Variants in ADGRL3 observed in about 807,000 individuals in gnomAD.
ADGRL3 encodes adhesion G protein-coupled receptor L3.
A neutral mutation model predicts 153.5 loss-of-function variants in ADGRL3; 62 were observed. The ratio of observed to expected loss-of-function variants is 0.40; its 90% CI spans 0.33 to 0.50. The LOEUF (loss-of-function observed/expected upper bound fraction) is 0.50. Ranked by LOEUF, ADGRL3 falls within the 20% of genes least tolerant of loss-of-function variation. ADGRL3 has a pLI of 0.47. For missense variants in ADGRL3, 1,641 were observed against 1,859.4 expected, an observed-to-expected ratio of 0.88 and a Z score of 2.16; for synonymous variants, 710 against 672.5, an observed-to-expected ratio of 1.06 and a Z score of -0.86.
At chr4:61,305,548 T>G (rs1025297440) in intron 1 of ADGRL3, among the ~76,000 whole-genome samples, 4 of 152,112 alleles carry the variant, frequency 2.6e-5, no homozygotes, top group Non-Finnish European at 5.9e-5. Context: ...TCAGCTTCAG[T>G]GATTGTAGCC....
chr4:61,428,478 GT>G (rs1040560868), intron 2 of ADGRL3, among the ~76,000 whole-genome samples: 4 of 152,168 alleles, frequency 2.6e-5, no homozygotes, highest in African/African-American at 9.7e-5. Flanking sequence ...ACCATCAATA[GT>G]TTCAAAGGCT....
intron 21 of ADGRL3, among the ~76,000 whole-genome samples, chr4:62,026,365 C>T (rs1285465820): frequency 6.6e-6 from 1 of 151,858 alleles, no homozygotes; most frequent in Non-Finnish European, 1.5e-5. Flanking sequence ...TGACAACACC[C>T]AGAAATGTCA....
At chr4:61,551,609 C>A (rs539153712) in intron 4 of ADGRL3, among the ~76,000 whole-genome samples, 1 of 152,176 alleles carries the variant, frequency 6.6e-6, no homozygotes, top group African/African-American at 2.4e-5. Context: ...CTAAGATAAA[C>A]CAGGTTGTTT....
chr4:61,966,430 ACT>A (rs1427677108), intron 17 of ADGRL3, among the ~76,000 whole-genome samples: 1 of 152,092 alleles, frequency 6.6e-6, no homozygotes, highest in East Asian at 1.9e-4. Flanking sequence ...AAAGGTAATG[ACT>A]CTGTAAGAAT....
intron 9 of ADGRL3, among the ~76,000 whole-genome samples, chr4:61,840,640 G>T (rs2098016406): frequency 1.3e-5 from 2 of 152,060 alleles, no homozygotes; most frequent in African/African-American, 2.4e-5. Flanking sequence ...TATAATAAAT[G>T]TATTTGTTTG....
intron 8 of ADGRL3, among the ~76,000 whole-genome samples, chr4:61,770,743 C>T (rs1431698086): frequency 6.6e-6 from 1 of 152,098 alleles, no homozygotes; most frequent in Non-Finnish European, 1.5e-5. Flanking sequence ...AAGAGGCTGA[C>T]CTACCTATCA....
chr4:61,556,251 A>G (rs2098766024), intron 4 of ADGRL3, among the ~76,000 whole-genome samples: 1 of 152,202 alleles, frequency 6.6e-6, no homozygotes, highest in African/African-American at 2.4e-5. Flanking sequence ...GTTTGCAAAT[A>G]TAAAGAATAT....
chr4:61,764,793 C>A (rs2096956160), intron 8 of ADGRL3, among the ~76,000 whole-genome samples: 1 of 151,692 alleles, frequency 6.6e-6, no homozygotes, highest in African/African-American at 2.4e-5. Flanking sequence ...AGAGAATGGT[C>A]GATGTTTCTC....
intron 6 of ADGRL3, among the ~76,000 whole-genome samples, chr4:61,711,447 C>T (rs1389093791): frequency 4.1e-5 from 2 of 49,022 alleles, no homozygotes; most frequent in African/African-American, 1.6e-4. Flanking sequence ...TATCTTAAAA[C>T]ATATGCTTCA....
intron 2 of ADGRL3, among the ~76,000 whole-genome samples, chr4:61,416,984 C>G (rs2097151065): frequency 6.6e-6 from 1 of 152,224 alleles, no homozygotes; most frequent in African/African-American, 2.4e-5. Context: ...GCATTAGATT[C>G]TCATAAGAAA....
intron 17 of ADGRL3, among the ~76,000 whole-genome samples, chr4:61,969,913 T>C (rs1392610951): frequency 6.6e-5 from 10 of 152,194 alleles, no homozygotes; most frequent in Admixed American, 6.6e-4. Flanking sequence ...TTTTGTACAT[T>C]TCTTTTAACC....
At chr4:61,585,221 C>T (rs910062891) in intron 4 of ADGRL3, among the ~76,000 whole-genome samples, 5 of 151,936 alleles carry the variant, frequency 3.3e-5, no homozygotes, top group Non-Finnish European at 7.4e-5. Context: ...ATTAACTGTG[C>T]AGTGCAGCTT....
rs550170215 is a variant in ADGRL3, at chr4:61,751,748, G to T, written c.1399+18194G>T. 3.9e-5 allele frequency among the ~76,000 whole-genome samples: 6 copies of T among 152,180 alleles called. No homozygotes were observed. In the South Asian group the frequency reaches 1.2e-3, roughly 32 times the overall value. Reference sequence around the variant, plus strand: ...GATTTAACTCTAGCATACATTATTTGCATGTTCTTAATTTTGATGTAAACT... The same window carrying T: ...GATTTAACTCTAGCATACATTATTTTCATGTTCTTAATTTTGATGTAAACT... On this transcript the variant is annotated intron_variant, in intron 8 of 26. Transcript: ENST00000683033.
At chr4:61,843,127 AAGAC>A (rs1207744828) in intron 9 of ADGRL3, among the ~76,000 whole-genome samples, 6 of 152,274 alleles carry the variant, frequency 3.9e-5, no homozygotes, top group East Asian at 1.9e-4. Context: ...TGATAGAAGA[AAGAC>A]AGACAGAGAG....
At chr4:62,051,217 A>G (rs1734042989) in intron 25 of ADGRL3, among the ~76,000 whole-genome samples, 1 of 149,730 alleles carries the variant, frequency 6.7e-6, no homozygotes. Context: ...ATATATATGT[A>G]CATGTTATTG....
chr4:61,439,067 G>A (rs2097494620), intron 2 of ADGRL3, among the ~76,000 whole-genome samples: 1 of 152,050 alleles, frequency 6.6e-6, no homozygotes, highest in Non-Finnish European at 1.5e-5. Flanking sequence ...AGAAAAAAAA[G>A]ATACTGAGCT....
intron 3 of ADGRL3, among the ~76,000 whole-genome samples, chr4:61,506,911 T>C (rs1277581649): frequency 6.6e-6 from 1 of 152,074 alleles, no homozygotes; most frequent in African/African-American, 2.4e-5. Flanking sequence ...AACCTAATGA[T>C]TAGATATGTA....
intron 1 of ADGRL3, among the ~76,000 whole-genome samples, chr4:61,349,302 T>G (rs1351955737): frequency 6.6e-6 from 1 of 152,118 alleles, no homozygotes; most frequent in Non-Finnish European, 1.5e-5. Flanking sequence ...TTTCAACATT[T>G]AAAAAGTGTT....
chr4:61,772,671 C>T (rs1357906407), intron 8 of ADGRL3, among the ~76,000 whole-genome samples: 1 of 152,144 alleles, frequency 6.6e-6, no homozygotes, highest in African/African-American at 2.4e-5. Context: ...TCTGATTCCT[C>T]TTTCCCCTCC....
Sources: gnomAD v4.1 joint callset for allele counts (sites outside exome capture counted in the v4.1 genomes callset) on GRCh38, gnomAD v4.1.1 for gene constraint, MANE v1.5 for transcripts, NCBI Gene and HGNC (gene_info 2026-07-23, HGNC 2026-07-21) for gene names.